CAST: variants seen among roughly 807,000 people sequenced by gnomAD.
CAST encodes MIR583 host.
A neutral mutation model predicts 119.6 loss-of-function variants in CAST; 76 were observed. The ratio of observed to expected loss-of-function variants is 0.64; its 90% CI spans 0.53 to 0.77. The LOEUF (loss-of-function observed/expected upper bound fraction) is 0.77, where lower values mean the gene tolerates loss of function less well. Among genes scored for constraint, CAST ranks in the 30% least tolerant of loss-of-function variants. The probability of loss-of-function intolerance (pLI) is 0.00; values close to 1 mark genes in which losing one functional copy is unlikely to be tolerated. For synonymous variants in CAST, 319 were observed against 331.6 expected (o/e 0.96, Z 0.41); for missense variants, 953 against 946.5 (o/e 1.01, Z -0.09).
At chr5:96,298,707 A>G in the CAST span, among the ~76,000 whole-genome samples, 1 of 152,210 alleles carries the variant, frequency 6.6e-6, no homozygotes, top group African/African-American at 2.4e-5. Flanking sequence ...TGGGTTAAGA[A>G]ACTTTAGTCT....
the CAST span, among the ~76,000 whole-genome samples, chr5:96,170,247 A>ACAGTCCAGTTTT: frequency 6.6e-6 from 1 of 152,022 alleles, no homozygotes; most frequent in Non-Finnish European, 1.5e-5. Context: ...GGTGAGTTGA[A>ACAGTCCAGTTTT]CAGTGGGGTC....
chr5:96,248,689 C>T, the CAST span, among the ~76,000 whole-genome samples: 1 of 152,094 alleles, frequency 6.6e-6, no homozygotes, highest in Non-Finnish European at 1.5e-5. Context: ...ATTTTAAATG[C>T]CAATGAGACC....
chr5:96,266,892 G>A, the CAST span, among the ~76,000 whole-genome samples: 2 of 152,168 alleles, frequency 1.3e-5, no homozygotes, highest in Admixed American at 1.3e-4. Context: ...CTAAATAGCA[G>A]TTTTAAGGAA....
chr5:96,189,738 T>A, the CAST span, among the ~76,000 whole-genome samples: 2 of 152,190 alleles, frequency 1.3e-5, no homozygotes, highest in Admixed American at 6.5e-5. Context: ...TTTTTATAAA[T>A]TTTTGATTTT....
At chr5:96,063,319 A>G in the CAST span, among the ~76,000 whole-genome samples, 1 of 152,082 alleles carries the variant, frequency 6.6e-6, no homozygotes, top group African/African-American at 2.4e-5. Context: ...ATGGCTGGTC[A>G]ATGTGGAGTT....
At chr5:96,010,179 C>CT in the CAST span, among the ~76,000 whole-genome samples, 1 of 152,076 alleles carries the variant, frequency 6.6e-6, no homozygotes, top group Admixed American at 6.6e-5. Flanking sequence ...AAGCACCACG[C>CT]TTTTTTGGTT....
the CAST span, among the ~76,000 whole-genome samples, chr5:96,366,931 G>C: frequency 6.6e-6 from 1 of 152,174 alleles, no homozygotes; most frequent in Admixed American, 6.5e-5. Flanking sequence ...CAGTTTTTCT[G>C]CTCTGTTTTT....
At chr5:96,309,361 C>G in the CAST span, among the ~76,000 whole-genome samples, 1 of 152,264 alleles carries the variant, frequency 6.6e-6, no homozygotes, top group African/African-American at 2.4e-5. Flanking sequence ...GTGAGAATTT[C>G]AAGCCAGTGG....
the CAST span, among the ~76,000 whole-genome samples, chr5:96,191,665 G>A: frequency 6.6e-6 from 1 of 152,180 alleles, no homozygotes; most frequent in South Asian, 2.1e-4. Context: ...TGCCTCCCAG[G>A]TTCAAGCGAC....
At chr5:96,396,721 T>C in the CAST span, among the ~76,000 whole-genome samples, 7 of 152,226 alleles carry the variant, frequency 4.6e-5, no homozygotes, top group South Asian at 2.1e-4. Context: ...TTAAGCTATA[T>C]TTGGCTTTTT....
chr5:95,999,147 A>G, the CAST span, among the ~76,000 whole-genome samples: 6 of 151,998 alleles, frequency 3.9e-5, no homozygotes, highest in Non-Finnish European at 7.4e-5. Context: ...TCTCATTCCT[A>G]TACCAGGGCC....
chr5:96,170,727 C>G, the CAST span, among the ~76,000 whole-genome samples: 5 of 152,110 alleles, frequency 3.3e-5, no homozygotes, highest in South Asian at 4.1e-4. Flanking sequence ...GAGAAAGAGC[C>G]TAAACGCTAA....
the CAST span, among the ~76,000 whole-genome samples, chr5:96,419,862 A>C: frequency 1.3e-5 from 2 of 152,114 alleles, no homozygotes; most frequent in Non-Finnish European, 2.9e-5. Flanking sequence ...GGAAGGTCTG[A>C]GTGTTCCATC....
the CAST span, among the ~76,000 whole-genome samples, chr5:96,385,156 G>C: frequency 2.0e-5 from 3 of 152,258 alleles, no homozygotes; most frequent in African/African-American, 7.2e-5. Flanking sequence ...TGAGTTCATG[G>C]GATTGATTCT....
intron 1 of CAST, among the ~76,000 whole-genome samples, chr5:96,639,133 C>G (rs1319847526): frequency 2.6e-5 from 4 of 152,178 alleles, no homozygotes; most frequent in Non-Finnish European, 4.4e-5. Context: ...CTTACTCATC[C>G]CGTTCATCTG....
chr5:96,025,435 CA>C, the CAST span, among the ~76,000 whole-genome samples: 4 of 152,132 alleles, frequency 2.6e-5, no homozygotes, highest in African/African-American at 9.7e-5. Context: ...CCCCCAATAC[CA>C]TCACATGGGA....
the CAST span, among the ~76,000 whole-genome samples, chr5:96,098,229 T>C: frequency 6.6e-6 from 1 of 152,256 alleles, no homozygotes; most frequent in African/African-American, 2.4e-5. Flanking sequence ...TATTAGACCT[T>C]TGTCAGATGC....
chr5:96,102,600 C>T, the CAST span, among the ~76,000 whole-genome samples: 108 of 152,274 alleles, frequency 7.1e-4, 1 homozygote, highest in Non-Finnish European at 5.3e-4. Flanking sequence ...GCCAGGGACC[C>T]GCCCCTGCCT....
chr5:96,110,429 T>C, the CAST span, among the ~76,000 whole-genome samples: 2 of 152,206 alleles, frequency 1.3e-5, no homozygotes, highest in Non-Finnish European at 2.9e-5. Context: ...CTTACCATTA[T>C]ATATAAATTA....
Sources: allele counts gnomAD v4.1 joint callset (sites outside exome capture counted in the v4.1 genomes callset), GRCh38; gene constraint gnomAD v4.1.1; transcripts MANE v1.5; gene names NCBI Gene and HGNC (gene_info 2026-07-23, HGNC 2026-07-21).